The following COBLL1 variants were observed in gnomAD, a reference collection of about 807,000 sequenced individuals.
COBLL1 encodes cordon-bleu protein-like 1.
COBLL1 carries 50 observed loss-of-function variants against 94.8 expected under a neutral mutation model. The observed-to-expected ratio is 0.53, with a 90% CI of 0.42 to 0.67. The LOEUF is 0.67. COBLL1 is among the 30% of genes least tolerant of loss of function. COBLL1 has a pLI of 0.00. For missense variants in COBLL1, 1,362 were observed against 1,348.7 expected (o/e 1.01, Z -0.15); for synonymous variants, 448 against 473.8 (o/e 0.95, Z 0.71).
chr2:164,658,940 T>G (rs1691026182), intron 2 of COBLL1, among the ~76,000 whole-genome samples: 2 of 152,092 alleles, frequency 1.3e-5, no homozygotes, highest in Admixed American at 6.6e-5. Context: ...GACAGTTCCC[T>G]TCTATTTCCC....
intron 2 of COBLL1, among the ~76,000 whole-genome samples, chr2:164,829,996 G>C (rs1324314572): frequency 6.6e-6 from 1 of 152,136 alleles, no homozygotes; most frequent in Non-Finnish European, 1.5e-5. Flanking sequence ...AAAAAAGAGA[G>C]TCCTAGGGCC....
chr2:164,719,759 T>C (rs889033934), intron 7 of COBLL1, among the ~76,000 whole-genome samples: 1 of 152,158 alleles, frequency 6.6e-6, no homozygotes, highest in Non-Finnish European at 1.5e-5. Flanking sequence ...TTGGAAGGGT[T>C]AGAGCTCAGA....
At chr2:164,783,280 A>T (rs1476015010) in intron 2 of COBLL1, among the ~76,000 whole-genome samples, 1 of 152,106 alleles carries the variant, frequency 6.6e-6, no homozygotes, top group Non-Finnish European at 1.5e-5. Context: ...AGGTGTGGTG[A>T]CACGTGCTTG....
chr2:164,825,604 G>A (rs1408797740), intron 2 of COBLL1, among the ~76,000 whole-genome samples: 2 of 152,062 alleles, frequency 1.3e-5, no homozygotes, highest in Admixed American at 6.5e-5. Context: ...AACAAGCAGC[G>A]AATCCAGAAA....
intron 2 of COBLL1, among the ~76,000 whole-genome samples, chr2:164,793,012 C>T (rs917868929): frequency 8.5e-5 from 13 of 152,192 alleles, no homozygotes; most frequent in Admixed American, 5.9e-4. Context: ...TGAAGGATCA[C>T]CACCCAGTCT....
intron 2 of COBLL1, among the ~76,000 whole-genome samples, chr2:164,810,760 T>C (rs980663891): frequency 6.6e-5 from 10 of 151,856 alleles, no homozygotes; most frequent in African/African-American, 2.4e-4. Flanking sequence ...AAACAAAAGT[T>C]ACTTGAAAAG....
rs71393632 is a variant in COBLL1 at position 164,683,005 on chromosome 2, T to TACACAC, written c.*2935_*2940dup. ...CTCCTTTCATGTTAAGAAACACACA[T>TACACAC]ACACACACACACACACACACACACA... On this transcript the variant is annotated 3_prime_UTR_variant, in exon 14 of 14. Coordinates refer to ENST00000652658, the MANE Select transcript of COBLL1 (RefSeq NM_001365672.2). 4,921 of 138,848 alleles carry TACACAC rather than the reference T, an allele frequency of 0.035. 89 individuals carry two copies. Among genetic ancestry groups the TACACAC allele is most frequent in the Middle Eastern group, 0.047 (12 of 256 alleles). The allele number at this position is 138,848 out of a possible 1,614,324, so 8.6% of individuals were successfully genotyped here.
chr2:164,805,287 G>GTCTCTCTCTCTC (rs543005860), intron 2 of COBLL1, among the ~76,000 whole-genome samples: 1 of 34,232 alleles, frequency 2.9e-5, no homozygotes, highest in African/African-American at 1.3e-4. Context: ...CTCTCTGTCT[G>GTCTCTCTCTCTC]TCTCTCTCTC....
rs1364803516 is a variant in COBLL1, at chr2:164,700,629, T to C, written c.1353A>G (p.Ile451Met). The change falls in exon 10 of 14, where the codon ATA becomes ATG. Residue 451 changes from isoleucine to methionine, a missense_variant. Coordinates refer to ENST00000652658, the MANE Select transcript of COBLL1 (RefSeq NM_001365672.2). Reference protein sequence around the residue: ...SQDIPFVSTDIINTLKNDPDS... With the variant: ...SQDIPFVSTDMINTLKNDPDS... ...CAGGATCATTTTTCAGTGTATTTAT[T>C]ATATCAGTAGATACAAAAGGAATAT... The C allele has an allele frequency of 6.2e-7, 1 of 1,613,524 alleles. No individual in the cohort carries two copies. Among genetic ancestry groups the C allele is most frequent in the South Asian group, 1.1e-5 (1 of 91,070 alleles).
intron 2 of COBLL1, among the ~76,000 whole-genome samples, chr2:164,765,638 A>G (rs1687893414): frequency 6.6e-6 from 1 of 152,174 alleles, no homozygotes; most frequent in South Asian, 2.1e-4. Context: ...AGCTCGGTGA[A>G]AGGTGAGTAA....
At chr2:164,671,676 A>G (rs755251118) in intron 1 of COBLL1, among the ~76,000 whole-genome samples, 3 of 152,136 alleles carry the variant, frequency 2.0e-5, no homozygotes, top group Non-Finnish European at 4.4e-5. Context: ...CTTTATGAGG[A>G]TAAGGACATT....
At chr2:164,658,735 G>A (rs1477516206) in intron 2 of COBLL1, among the ~76,000 whole-genome samples, 1 of 152,202 alleles carries the variant, frequency 6.6e-6, no homozygotes, top group African/African-American at 2.4e-5. Flanking sequence ...GCAGGCAAAA[G>A]TACTTTTCCT....
intron 2 of COBLL1, among the ~76,000 whole-genome samples, chr2:164,750,544 T>G (rs761860215): frequency 1.9e-4 from 29 of 152,202 alleles, no homozygotes; most frequent in Non-Finnish European, 3.4e-4. Flanking sequence ...CAAAAGCCTT[T>G]TCACTGGTCT....
In COBLL1 at chr2:164,730,703, A is replaced by G. The variant is rs564572185; in HGVS notation, c.231-588T>C. ...CCAAATTATAAATTTCAGGAGGAGG[A>G]GTCCTTTCCTTACCCAAGAGCAGTC... On this transcript the variant is annotated intron_variant, in intron 3 of 13. Transcript: ENST00000652658. 3.3e-5 allele frequency among the ~76,000 whole-genome samples: 5 copies of G among 152,292 alleles called. No individual in the cohort carries two copies. In the South Asian group the frequency reaches 8.3e-4, roughly 25 times the overall value.
intron 7 of COBLL1, chr2:164,718,327 G>A (rs1685279019): frequency 2.6e-6 from 2 of 780,564 alleles, no homozygotes; most frequent in African/African-American, 3.8e-5. Flanking sequence ...TATCTTTAGA[G>A]GATGAGGTAA....
intron 2 of COBLL1, among the ~76,000 whole-genome samples, chr2:164,791,805 C>T (rs543768601): frequency 4.0e-4 from 61 of 152,016 alleles, no homozygotes; most frequent in African/African-American, 1.4e-3. Flanking sequence ...GACCTGAAGG[C>T]ACAGGTGAGG....
intron 2 of COBLL1, among the ~76,000 whole-genome samples, chr2:164,795,694 A>G (rs929727143): frequency 3.6e-4 from 55 of 152,312 alleles, no homozygotes; most frequent in African/African-American, 1.3e-3. Flanking sequence ...GCACCACATT[A>G]GGAAACGTAA....
intron 9 of COBLL1, chr2:164,703,098 A>G: frequency 6.3e-7 from 1 of 1,575,572 alleles, no homozygotes; most frequent in Non-Finnish European, 8.7e-7. Context: ...AGGCCTGACC[A>G]CCTACATGTC....
intron 2 of COBLL1, among the ~76,000 whole-genome samples, chr2:164,794,761 A>T (rs923089045): frequency 6.9e-6 from 1 of 144,894 alleles, no homozygotes; most frequent in Non-Finnish European, 1.5e-5. Context: ...CAACCCCCTC[A>T]TGAAGACTGA....
Sources: allele counts gnomAD v4.1 joint callset (sites outside exome capture counted in the v4.1 genomes callset), GRCh38; gene constraint gnomAD v4.1.1; transcripts MANE v1.5; gene names NCBI Gene and HGNC (gene_info 2026-07-23, HGNC 2026-07-21).